Variants in RAD51B observed in about 807,000 individuals in gnomAD.
The protein encoded by RAD51B is RAD51 paralog B.
A neutral mutation model predicts 42.2 loss-of-function variants in RAD51B; 38 were observed. The observed-to-expected ratio is 0.90, with a 90% confidence interval of 0.70 to 1.18. The LOEUF is 1.18. Among genes scored for constraint, RAD51B ranks in the 50% most tolerant of loss-of-function variants. The pLI is 0.00. For missense variants in RAD51B, 373 were observed against 400.7 expected, an observed-to-expected ratio of 0.93 and a Z score of 0.59; for synonymous variants, 154 against 145.2, an observed-to-expected ratio of 1.06 and a Z score of -0.43.
At chr14:68,062,239 A>G (rs545742862) in intron 7 of RAD51B, among the ~76,000 whole-genome samples, 66 of 152,326 alleles carry the variant, frequency 4.3e-4, no homozygotes, top group African/African-American at 1.5e-3. Flanking sequence ...TCCATGGAAC[A>G]AATCCCAGTT....
At chr14:67,980,355 A>G (rs1477090981) in intron 7 of RAD51B, among the ~76,000 whole-genome samples, 2 of 152,202 alleles carry the variant, frequency 1.3e-5, no homozygotes, top group African/African-American at 4.8e-5. Context: ...GAGGCAGGAG[A>G]ATCTCTTGGA....
chr14:68,258,544 C>T (rs1230577394), intron 7 of RAD51B, among the ~76,000 whole-genome samples: 1 of 151,948 alleles, frequency 6.6e-6, no homozygotes, highest in Non-Finnish European at 1.5e-5. Context: ...GTTAGTGTAA[C>T]CGTGGAACAT....
At chr14:68,101,795 TCC>T (rs1566646221) in intron 7 of RAD51B, among the ~76,000 whole-genome samples, 2 of 152,170 alleles carry the variant, frequency 1.3e-5, no homozygotes, top group Non-Finnish European at 2.9e-5. Context: ...TTCTCACAGC[TCC>T]ACCAGGCAGT....
At chr14:67,980,343 C>T (rs1335342691) in intron 7 of RAD51B, among the ~76,000 whole-genome samples, 1 of 152,180 alleles carries the variant, frequency 6.6e-6, no homozygotes, top group Non-Finnish European at 1.5e-5. Context: ...TATGGGAAGG[C>T]TGAGGCAGGA....
intron 4 of RAD51B, among the ~76,000 whole-genome samples, chr14:67,862,714 C>G (rs2042202916): frequency 6.6e-6 from 1 of 152,050 alleles, no homozygotes; most frequent in African/African-American, 2.4e-5. Flanking sequence ...CACCGAATCA[C>G]AAAATATTTA....
chr14:68,206,925 G>A (rs1480511716), intron 7 of RAD51B, among the ~76,000 whole-genome samples: 1 of 152,058 alleles, frequency 6.6e-6, no homozygotes, highest in Non-Finnish European at 1.5e-5. Flanking sequence ...AAGTAGCTGG[G>A]ACTACAGGCG....
At chr14:68,429,328 A>C (rs2084940037) in intron 9 of RAD51B, among the ~76,000 whole-genome samples, 1 of 152,208 alleles carries the variant, frequency 6.6e-6, no homozygotes, top group Non-Finnish European at 1.5e-5. Context: ...AGGAATCGCC[A>C]CACTGACTTC....
At chr14:67,971,817 G>T (rs2074904274) in intron 7 of RAD51B, among the ~76,000 whole-genome samples, 1 of 151,770 alleles carries the variant, frequency 6.6e-6, no homozygotes. Context: ...ACATCACTCT[G>T]CTTTGCCTTA....
chr14:68,102,182 C>T (rs1236420044), intron 7 of RAD51B, among the ~76,000 whole-genome samples: 1 of 152,154 alleles, frequency 6.6e-6, no homozygotes, highest in Non-Finnish European at 1.5e-5. Context: ...TTTTTCCCTC[C>T]TAGGCCTCTG....
chr14:68,469,088 T>G (rs757278939), intron 10 of RAD51B: 1 of 513,948 alleles, frequency 1.9e-6, no homozygotes, highest in Non-Finnish European at 3.9e-6. Flanking sequence ...TGTCCTCTGC[T>G]GTGGGGCAGG....
chr14:68,186,934 C>G (rs139609683), intron 7 of RAD51B, among the ~76,000 whole-genome samples: 1,731 of 152,230 alleles, frequency 0.011, 45 homozygotes, highest in African/African-American at 0.039. Context: ...CATCGCAGCA[C>G]TATTCACGAT....
At chr14:68,432,136 T>C (rs2085024970) in intron 9 of RAD51B, among the ~76,000 whole-genome samples, 1 of 152,246 alleles carries the variant, frequency 6.6e-6, no homozygotes, top group Non-Finnish European at 1.5e-5. Flanking sequence ...TAATTTCTGT[T>C]CTTTTACATT....
intron 8 of RAD51B, among the ~76,000 whole-genome samples, chr14:68,318,107 C>T (rs926157233): frequency 3.9e-5 from 6 of 152,158 alleles, no homozygotes; most frequent in Admixed American, 1.3e-4. Context: ...GGTGGTCACA[C>T]CCACTGGGCC....
chr14:68,668,393 A>G (rs1410503328), intron 11 of RAD51B, among the ~76,000 whole-genome samples: 1 of 152,180 alleles, frequency 6.6e-6, no homozygotes, highest in Non-Finnish European at 1.5e-5. Flanking sequence ...ATACCTGCTC[A>G]TCGAAAACCA....
intron 8 of RAD51B, among the ~76,000 whole-genome samples, chr14:68,379,634 A>T (rs1299008598): frequency 1.3e-5 from 2 of 152,272 alleles, no homozygotes; most frequent in Non-Finnish European, 2.9e-5. Flanking sequence ...ATTGGAAGGT[A>T]GAATGGAGGG....
At chr14:67,854,633 CAA>C (rs1174939557) in intron 4 of RAD51B, among the ~76,000 whole-genome samples, 7 of 121,992 alleles carry the variant, frequency 5.7e-5, no homozygotes, top group Admixed American at 8.7e-5. Flanking sequence ...GGCTCCGTCT[CAA>C]AAAAAAAAAA....
intron 7 of RAD51B, among the ~76,000 whole-genome samples, chr14:68,200,820 A>AT (rs769801304): frequency 0.016 from 2,389 of 148,250 alleles, 47 homozygotes; most frequent in African/African-American, 0.048. Context: ...TGCCTAGCTA[A>AT]TTTTTTTTTT....
At chr14:68,633,353 G>A (rs547000452) in intron 10 of RAD51B, among the ~76,000 whole-genome samples, 1 of 152,166 alleles carries the variant, frequency 6.6e-6, no homozygotes, top group South Asian at 2.1e-4. Context: ...GCCAAGGCTC[G>A]GATGCATATT....
At chr14:68,461,336 G>GA (rs60250666) in intron 9 of RAD51B, among the ~76,000 whole-genome samples, 49 of 126,510 alleles carry the variant, frequency 3.9e-4, no homozygotes, top group Middle Eastern at 3.9e-3. Flanking sequence ...TCCATGCAGG[G>GA]AAAAAAAAAA....
Sources: gnomAD v4.1 joint callset for allele counts (sites outside exome capture counted in the v4.1 genomes callset) on GRCh38, gnomAD v4.1.1 for gene constraint, MANE v1.5 for transcripts, NCBI Gene and HGNC (gene_info 2026-07-23, HGNC 2026-07-21) for gene names.